The following TRPM6 variants were observed in gnomAD, a reference collection of about 807,000 sequenced individuals.
TRPM6 encodes channel kinase 2.
Under a neutral mutation model 247.6 loss-of-function variants are expected in TRPM6, and 111 were observed. The ratio of observed to expected loss-of-function variants is 0.45; its 90% CI spans 0.38 to 0.52. TRPM6 has a LOEUF of 0.52. Ranked by LOEUF, TRPM6 falls within the 20% of genes least tolerant of loss-of-function variation. The pLI is 0.00. For synonymous variants in TRPM6, 892 were observed against 853.8 expected (o/e 1.04, Z -0.78); for missense variants, 2,126 against 2,421.5 (o/e 0.88, Z 2.56).
At chr9:74,768,085 T>A (rs1340781640) in intron 25 of TRPM6, among the ~76,000 whole-genome samples, 1 of 152,216 alleles carries the variant, frequency 6.6e-6, no homozygotes, top group Non-Finnish European at 1.5e-5. Flanking sequence ...GACAATGCTT[T>A]ATGATGGTTA....
intron 24 of TRPM6, among the ~76,000 whole-genome samples, chr9:74,772,983 T>C (rs1379215749): frequency 4.6e-5 from 7 of 151,562 alleles, no homozygotes; most frequent in African/African-American, 1.7e-4. Context: ...AAAAATTAGC[T>C]GGGTGTGGTG....
chr9:74,768,217 A>G lies in TRPM6; in HGVS notation c.3536+3486T>C, dbSNP rs138380856. On this transcript the variant is annotated intron_variant, in intron 25 of 38. Coordinates refer to ENST00000360774, the MANE Select transcript of TRPM6 (RefSeq NM_017662.5). ...TTTATACTCCTCTGAATGGTTATTT[A>G]TGGTCTTCTCCATGAGTTTCTCTTT... Among the ~76,000 whole-genome samples the G allele has an allele frequency of 1.3e-3, 200 of 152,180 alleles. 5 individuals are homozygous for G. In the East Asian group the frequency reaches 0.035, roughly 26 times the overall value.
chr9:74,807,694 G>A (rs1362056313), intron 14 of TRPM6, among the ~76,000 whole-genome samples: 8 of 150,528 alleles, frequency 5.3e-5, no homozygotes, highest in African/African-American at 2.0e-4. Flanking sequence ...ATTTTCGGAA[G>A]AAAAAAAGAA....
chr9:74,828,419 T>C (rs2118063679), intron 6 of TRPM6, among the ~76,000 whole-genome samples: 1 of 152,290 alleles, frequency 6.6e-6, no homozygotes. Context: ...GTGGTATCAA[T>C]TTTTTAAATT....
rs1828603238 is a variant in TRPM6, at chr9:74,808,261, T to C, written c.1498-87A>G. The C allele has an allele frequency of 3.2e-6, 5 of 1,546,966 alleles. No individual in the cohort carries two copies. The Admixed American group carries it at 8.4e-5, about 26-fold the overall frequency. On this transcript the variant is annotated intron_variant, in intron 13 of 38. Transcript: ENST00000360774. ...TGCCATTAGAACATAATCAAATTAA[T>C]TGCAAGAAGGTAGACATACCTTTTA...
intron 4 of TRPM6, among the ~76,000 whole-genome samples, chr9:74,841,663 C>A (rs568094051): frequency 6.6e-6 from 1 of 152,140 alleles, no homozygotes; most frequent in African/African-American, 2.4e-5. Flanking sequence ...TGCCACCATA[C>A]CAGCTAAATT....
intron 1 of TRPM6, among the ~76,000 whole-genome samples, chr9:74,868,783 A>T (rs1461693627): frequency 6.6e-6 from 1 of 152,200 alleles, no homozygotes; most frequent in Non-Finnish European, 1.5e-5. Context: ...CCTAGAGGAA[A>T]ATTTAGAAGA....
At chr9:74,738,356 C>G in intron 36 of TRPM6, 51 bp downstream of exon 36, 3 of 1,600,346 alleles carry the variant, frequency 1.9e-6, no homozygotes, top group Non-Finnish European at 2.6e-6. Context: ...TGCAAGATCT[C>G]TTTACACTTT....
chr9:74,788,788 T>C (rs1459552903), intron 19 of TRPM6, 46 bp from the exon 20 acceptor site: 3 of 1,608,670 alleles, frequency 1.9e-6, no homozygotes, highest in Non-Finnish European at 2.5e-6. Flanking sequence ...AGAGCAAGCA[T>C]GGAGCATGCC....
chr9:74,774,956 G>A (rs1438505707), intron 24 of TRPM6, among the ~76,000 whole-genome samples: 1 of 152,190 alleles, frequency 6.6e-6, no homozygotes, highest in African/African-American at 2.4e-5. Flanking sequence ...TAGGAATTGG[G>A]AAGAGGATTG....
intron 1 of TRPM6, among the ~76,000 whole-genome samples, chr9:74,869,622 T>C (rs944995608): frequency 1.8e-4 from 27 of 152,024 alleles, no homozygotes; most frequent in Non-Finnish European, 3.8e-4. Flanking sequence ...TTATTCCCTC[T>C]TCACCGAGAA....
At chr9:74,825,458 C>CGTGTGTGTGTGT (rs5898381) in intron 7 of TRPM6, among the ~76,000 whole-genome samples, 1 of 148,576 alleles carries the variant, frequency 6.7e-6, no homozygotes. Flanking sequence ...CTCTTTCTTC[C>CGTGTGTGTGTGT]GTGTGTGTGT....
At chr9:74,803,096 A>G (rs1484533453) in intron 15 of TRPM6, among the ~76,000 whole-genome samples, 1 of 152,232 alleles carries the variant, frequency 6.6e-6, no homozygotes, top group Non-Finnish European at 1.5e-5. Flanking sequence ...CTATTTCTAT[A>G]AATAAAAGGA....
chr9:74,750,108 C>T (rs989169989), intron 30 of TRPM6, among the ~76,000 whole-genome samples: 1 of 152,174 alleles, frequency 6.6e-6, no homozygotes, highest in Non-Finnish European at 1.5e-5. Context: ...CAAGTGAGTT[C>T]TCTATCTTCT....
At chr9:74,881,935 G>A (rs1564065463) in intron 1 of TRPM6, among the ~76,000 whole-genome samples, 1 of 152,218 alleles carries the variant, frequency 6.6e-6, no homozygotes, top group East Asian at 1.9e-4. Context: ...AAGGCATCAA[G>A]AACATACATT....
intron 12 of TRPM6, among the ~76,000 whole-genome samples, chr9:74,811,535 G>T (rs1381044346): frequency 6.6e-6 from 1 of 152,184 alleles, no homozygotes; most frequent in Non-Finnish European, 1.5e-5. Context: ...GGTTTACATG[G>T]GAAAGGTACA....
rs780802025 is a variant in TRPM6, at chr9:74,782,811, G to A, written c.2962C>T (p.Leu988=). ...TTGCGTGCCACTCCAAAGCTCAGCA[G>A]GACTATGGCCATGATGATCACAATA... ...FYIVIIMAIV[L]LSFGVARKAI... Residue 988 remains leucine (L), a synonymous_variant, in exon 22 of 39, where the codon CTG becomes TTG. Coordinates refer to ENST00000360774, the MANE Select transcript of TRPM6 (RefSeq NM_017662.5). 3 of 1,614,114 alleles carry A rather than the reference G, an allele frequency of 1.9e-6. No individual in the cohort carries two copies. The highest frequency in any genetic ancestry group is 2.5e-6 in the Non-Finnish European group (3 of 1,180,024).
At chr9:74,767,835 G>C (rs1826879054) in intron 25 of TRPM6, among the ~76,000 whole-genome samples, 1 of 152,092 alleles carries the variant, frequency 6.6e-6, no homozygotes, top group African/African-American at 2.4e-5. Context: ...AGTTAGCTCA[G>C]CATGGTAGCA....
chr9:74,778,290 G>GT (rs1827297541), intron 23 of TRPM6, among the ~76,000 whole-genome samples: 2 of 152,200 alleles, frequency 1.3e-5, no homozygotes, highest in Non-Finnish European at 2.9e-5. Flanking sequence ...GGATCCCCCT[G>GT]TGGGAGGCCC....
Sources: allele counts gnomAD v4.1 joint callset (sites outside exome capture counted in the v4.1 genomes callset), GRCh38; gene constraint gnomAD v4.1.1; transcripts MANE v1.5; gene names NCBI Gene and HGNC (gene_info 2026-07-23, HGNC 2026-07-21).